NAV2: variants seen among roughly 807,000 people sequenced by gnomAD.
NAV2 encodes neuron navigator 2.
A neutral mutation model predicts 223.2 loss-of-function variants in NAV2; 54 were observed. The observed-to-expected ratio is 0.24, with a 90% CI of 0.19 to 0.30. The LOEUF (loss-of-function observed/expected upper bound fraction) is 0.30. Ranked by LOEUF, NAV2 falls within the 10% of genes least tolerant of loss-of-function variation. The pLI is 1.00. For missense variants in NAV2, 2,806 were observed against 3,147.5 expected (o/e 0.89, Z 2.60); for synonymous variants, 1,279 against 1,239.3 (o/e 1.03, Z -0.67).
rs530745883 is a variant in NAV2 at position 19,589,584 on chromosome 11, C to A, written c.75+238557C>A. 5.3e-5 allele frequency among the ~76,000 whole-genome samples: 8 copies of A among 152,254 alleles called. No homozygotes were observed. The South Asian group carries it at 1.0e-3, about 20-fold the overall frequency. ...AAGGAACAGGGCATATCCATATCCA[C>A]AATAGCAAGAGCATGTGTAGGTGAG... On this transcript the variant is annotated intron_variant, in intron 1 of 37. Coordinates refer to the NAV2 transcript ENST00000360655.
intron 1 of NAV2, among the ~76,000 whole-genome samples, chr11:19,380,938 C>T (rs1428051697): frequency 6.6e-6 from 1 of 152,182 alleles, no homozygotes; most frequent in Non-Finnish European, 1.5e-5. Flanking sequence ...TGACCTAGGT[C>T]CTCAACTACC....
upstream of NAV2, among the ~76,000 whole-genome samples, chr11:19,350,495 C>T (rs1853249298): frequency 6.6e-6 from 1 of 152,202 alleles, no homozygotes; most frequent in Non-Finnish European, 1.5e-5. Flanking sequence ...TTATGGGAGT[C>T]AGGGGCTGCC....
chr11:19,613,955 T>G (rs1455933648), intron 1 of NAV2, among the ~76,000 whole-genome samples: 1 of 152,238 alleles, frequency 6.6e-6, no homozygotes, highest in Non-Finnish European at 1.5e-5. Context: ...TGTGAGTTAT[T>G]TATTCATGCA....
chr11:19,768,711 A>G (rs962368608), intron 1 of NAV2, among the ~76,000 whole-genome samples: 5 of 152,186 alleles, frequency 3.3e-5, no homozygotes, highest in African/African-American at 1.2e-4. Flanking sequence ...GCAGTCTGAC[A>G]GGCCTGCGTT....
intron 1 of NAV2, among the ~76,000 whole-genome samples, chr11:19,394,656 G>A (rs1205488522): frequency 6.6e-6 from 1 of 152,218 alleles, no homozygotes; most frequent in Non-Finnish European, 1.5e-5. Context: ...AGGCAAGAAG[G>A]TGAGATAAAA....
intron 1 of NAV2, among the ~76,000 whole-genome samples, chr11:19,628,898 C>T (rs551090679): frequency 7.2e-4 from 109 of 152,308 alleles, no homozygotes; most frequent in African/African-American, 1.9e-3. Flanking sequence ...GCTCCCTCCC[C>T]GGTACTCCCA....
chr11:19,372,340 A>G (rs927686056), intron 1 of NAV2, among the ~76,000 whole-genome samples: 2 of 152,210 alleles, frequency 1.3e-5, no homozygotes, highest in African/African-American at 4.8e-5. Flanking sequence ...TCCTTCAATC[A>G]GGTCCCTTTA....
intron 11 of NAV2, among the ~76,000 whole-genome samples, chr11:20,023,702 GT>G (rs1564864703): frequency 0.019 from 476 of 24,902 alleles, 1 homozygote; most frequent in East Asian, 0.085. Context: ...ATTGCTGGGT[GT>G]GTGTGTGTGT....
intron 3 of NAV2, among the ~76,000 whole-genome samples, chr11:19,846,162 G>A (rs2060796468): frequency 6.6e-6 from 1 of 152,236 alleles, no homozygotes. Flanking sequence ...ATTCCAAGTG[G>A]AGACAGCCAG....
chr11:19,548,894 A>C (rs1238249563), intron 1 of NAV2, among the ~76,000 whole-genome samples: 2 of 151,638 alleles, frequency 1.3e-5, no homozygotes, highest in Non-Finnish European at 2.9e-5. Context: ...AAAAAAAAAA[A>C]AACACCCTCA....
chr11:19,773,505 G>A (rs1444083370), intron 1 of NAV2, among the ~76,000 whole-genome samples: 2 of 152,190 alleles, frequency 1.3e-5, no homozygotes, highest in Non-Finnish European at 2.9e-5. Flanking sequence ...ACAGCTGGAA[G>A]GCACCAGACC....
chr11:20,109,335 A>G (rs2062437127), intron 36 of NAV2, among the ~76,000 whole-genome samples: 1 of 152,254 alleles, frequency 6.6e-6, no homozygotes, highest in Non-Finnish European at 1.5e-5. Flanking sequence ...TGGCCAGCCT[A>G]AAATCATTGG....
chr11:19,980,495 C>T (rs958358155), intron 10 of NAV2, among the ~76,000 whole-genome samples: 1 of 152,206 alleles, frequency 6.6e-6, no homozygotes, highest in African/African-American at 2.4e-5. Flanking sequence ...TTCTTCTTCA[C>T]CCAGTGTGAG....
chr11:19,985,695 G>A (rs954378074), intron 11 of NAV2, among the ~76,000 whole-genome samples: 1 of 152,070 alleles, frequency 6.6e-6, no homozygotes, highest in African/African-American at 2.4e-5. Flanking sequence ...TCCTGCCTCA[G>A]CCTCCCAAGT....
In NAV2 at chr11:19,381,430, A is replaced by G. The variant is rs116473476; in HGVS notation, c.75+30403A>G. On this transcript the variant is annotated intron_variant, in intron 1 of 37. Transcript: ENST00000360655. The stretch of plus-strand genomic sequence containing the variant: ...AATGAATGAAGTCATAAATGGTAAA[A>G]TATAGTCCAGGTGCTGGGGATCTTT... 4.6e-3 allele frequency among the ~76,000 whole-genome samples: 702 copies of G among 152,344 alleles called. 8 individuals carry two copies. Among genetic ancestry groups the G allele is most frequent in the Middle Eastern group, 0.017 (5 of 294 alleles).
At chr11:19,602,900 G>A (rs1245792326) in intron 1 of NAV2, among the ~76,000 whole-genome samples, 1 of 152,176 alleles carries the variant, frequency 6.6e-6, no homozygotes, top group Non-Finnish European at 1.5e-5. Flanking sequence ...TGGATTCCAG[G>A]TGGACATATC....
intron 1 of NAV2, among the ~76,000 whole-genome samples, chr11:19,729,998 G>C (rs969731857): frequency 5.3e-5 from 8 of 152,214 alleles, no homozygotes; most frequent in African/African-American, 1.9e-4. Context: ...GAGGTAGATA[G>C]CTCTAGTTTT....
chr11:20,013,096 G>C (rs2053704085), intron 11 of NAV2, among the ~76,000 whole-genome samples: 1 of 152,132 alleles, frequency 6.6e-6, no homozygotes, highest in African/African-American at 2.4e-5. Context: ...GTTGGACCTG[G>C]GTCCAGATTT....
chr11:19,621,629 A>G (rs1345054034), intron 1 of NAV2, among the ~76,000 whole-genome samples: 1 of 151,994 alleles, frequency 6.6e-6, no homozygotes, highest in Non-Finnish European at 1.5e-5. Flanking sequence ...TATTGCGTCT[A>G]TTTGATTCTT....
Sources: gnomAD v4.1 joint callset for allele counts (sites outside exome capture counted in the v4.1 genomes callset) on GRCh38, gnomAD v4.1.1 for gene constraint, MANE v1.5 for transcripts, NCBI Gene and HGNC (gene_info 2026-07-23, HGNC 2026-07-21) for gene names.